The following CACNA1H variants were observed in gnomAD, a reference collection of about 807,000 sequenced individuals.
CACNA1H encodes the protein voltage-dependent T-type calcium channel subunit alpha-1H.
Under a neutral mutation model 192.5 loss-of-function variants are expected in CACNA1H, and 149 were observed. That is an observed-to-expected ratio of 0.77 (90% CI 0.68 to 0.89). CACNA1H has a LOEUF of 0.89. Among genes scored for constraint, CACNA1H ranks in the 40% least tolerant of loss-of-function variants. The probability of loss-of-function intolerance (pLI) is 0.00; values close to 1 mark genes in which losing one functional copy is unlikely to be tolerated. For synonymous variants in CACNA1H, 2,202 were observed against 1,475.2 expected, an observed-to-expected ratio of 1.49 and a Z score of -11.29; for missense variants, 4,257 against 3,423.5, an observed-to-expected ratio of 1.24 and a Z score of -6.08.
chr16:1,209,548 G>A, intron 17 of CACNA1H, 136 bp downstream of exon 17: 2 of 1,075,398 alleles, frequency 1.9e-6, no homozygotes, highest in Non-Finnish European at 2.7e-6. Context: ...AGCAGGCCAG[G>A]CCAGGGAGGA....
chr16:1,218,997 C>T lies in CACNA1H; in HGVS notation c.5915C>T (p.Pro1972Leu). ...LGSVASVHSP[P>L]AESCASLQIP... ...TCCGTTGCCTCTGTGCACTCTCCGC[C>T]CGCAGAGTCCTGTGCCTCCCTCCAG... The change falls in exon 34 of 35, where the codon CCC (proline) becomes CTC (leucine). Residue 1972 changes from proline (P) to leucine (L), a missense_variant. Physicochemically the swap from Pro to Leu is moderately conservative, Grantham distance 98. Transcript: ENST00000348261. 6.5e-7 allele frequency: 1 copy of T among 1,550,292 alleles called. No individual in the cohort carries two copies. The highest frequency in any genetic ancestry group is 8.7e-7 in the Non-Finnish European group (1 of 1,146,900).
intron 2 of CACNA1H, among the ~76,000 whole-genome samples, chr16:1,182,109 C>T (rs1965538429): frequency 6.6e-6 from 1 of 152,174 alleles, no homozygotes; most frequent in South Asian, 2.1e-4. Context: ...GGTGTTTCCC[C>T]GGGCTGTGGC....
rs763465373 is a variant in CACNA1H, at chr16:1,210,134, C to T, written c.3844C>T (p.Arg1282Trp). 31 of 1,554,330 alleles carry T rather than the reference C, an allele frequency of 2.0e-5. No homozygotes were observed. Among genetic ancestry groups the T allele is most frequent in the East Asian group, 4.9e-5 (2 of 41,144 alleles). Residue 1282 changes from arginine to tryptophan, a missense_variant and splice_region_variant, in exon 18 of 35, where the codon CGG (arginine) becomes TGG (tryptophan). Transcript: ENST00000348261. The stretch of plus-strand genomic sequence containing the variant: ...CCTCTACCTCTTCTCCCCACAGAAC[C>T]GGTGAGGCGGCCGGGTCAGGAGGCT... ...WALYLFSPQN[R>W]FRVSCQKVIT... is the part of the protein sequence containing the mutation.
At chr16:1,178,371 A>C (rs1240399912) in intron 2 of CACNA1H, among the ~76,000 whole-genome samples, 1 of 143,332 alleles carries the variant, frequency 7.0e-6, no homozygotes, top group Non-Finnish European at 1.5e-5. Context: ...TCAGAGTCCT[A>C]ACCCACCCCC....
intron 2 of CACNA1H, among the ~76,000 whole-genome samples, chr16:1,191,757 C>A (rs1419215834): frequency 1.3e-5 from 1 of 79,662 alleles, no homozygotes; most frequent in East Asian, 2.9e-4. Context: ...CAGGCACACT[C>A]GGGGTCTCTG....
At chr16:1,210,532 C>T (rs1451470482) in intron 19 of CACNA1H, 39 bp downstream of exon 19, 2 of 1,610,826 alleles carry the variant, frequency 1.2e-6, no homozygotes, top group Non-Finnish European at 8.5e-7. Flanking sequence ...CCACCACGAC[C>T]CCCAGGGAGG....
chr16:1,208,084 C>G lies in CACNA1H; in HGVS notation c.3226C>G (p.Leu1076Val). ...GGGACGAGGCAGCCTGTCCCCTCCCCTCATCATGTGCACAGCTGCCACGCC... is the reference window on the plus strand; with the variant it reads ...GGGACGAGGCAGCCTGTCCCCTCCCGTCATCATGTGCACAGCTGCCACGCC... ...LEGRGSLSPP[L>V]IMCTAATPMP... Residue 1076 changes from leucine (L) to valine (V), a missense_variant, in exon 16 of 35, where the codon CTC (leucine) becomes GTC (valine). Leu to Val is a conservative substitution (Grantham distance 32). Transcript: ENST00000348261. The G allele has an allele frequency of 6.2e-7, 1 of 1,601,062 alleles. No individual in the cohort carries two copies. Among genetic ancestry groups the G allele is most frequent in the Non-Finnish European group, 8.5e-7 (1 of 1,175,092 alleles).
Position 1,167,652 on chromosome 16 carries a change from C to T in CACNA1H, c.299+13616C>T, listed in dbSNP as rs567602600. 3.9e-5 allele frequency among the ~76,000 whole-genome samples: 6 copies of T among 152,192 alleles called. No homozygotes were observed. The highest frequency in any genetic ancestry group is 1.9e-4 in the East Asian group (1 of 5,192). ...CCCAGCTGCTCCTGGTTGACCGGCC[C>T]GGCCTGTGTTACATAAAGCGGTTTG... On this transcript the variant is annotated intron_variant, in intron 2 of 34. Transcript: ENST00000348261. The surrounding 1 kb of genome is among the most constrained non-coding windows in gnomAD (Gnocchi z 4.2).
At chr16:1,195,696 C>A (rs1966884459) in intron 4 of CACNA1H, 131 bp downstream of exon 4, 1 of 1,147,832 alleles carries the variant, frequency 8.7e-7, no homozygotes, top group Non-Finnish European at 1.2e-6. Context: ...GCCAGGGACC[C>A]TGTCTGGGAC....
At chr16:1,199,371 C>T (rs1211166027) in intron 6 of CACNA1H, among the ~76,000 whole-genome samples, 26 of 20,208 alleles carry the variant, frequency 1.3e-3, no homozygotes, top group Non-Finnish European at 1.9e-3. Flanking sequence ...GCCCCACCCC[C>T]ATCATGGCTC....
In CACNA1H at chr16:1,160,250, G is replaced by A. The variant is rs575085303; in HGVS notation, c.299+6214G>A. ...CAGTGGGCATTCCCCTCCCTGGCAC[G>A]GAAGAGGAGTCTCTCCTCAGTGGCT... On this transcript the variant is annotated intron_variant, in intron 2 of 34. Transcript: ENST00000348261. The A allele has an allele frequency of 3.3e-5, 5 of 152,268 alleles. 1 individual carries two copies. Among genetic ancestry groups the A allele is most frequent in the Non-Finnish European group, 5.9e-5 (4 of 68,050 alleles). The allele number at this position is 152,268 out of a possible 1,614,324, so 9.4% of individuals were successfully genotyped here.
In CACNA1H at chr16:1,220,846, C is replaced by T. The variant is rs755726905; in HGVS notation, c.6914C>T (p.Pro2305Leu). Residue 2305 changes from proline to leucine, a missense_variant, in exon 35 of 35, where the codon CCC (proline) becomes CTC (leucine). Pro to Leu is a moderately conservative substitution (Grantham distance 98, BLOSUM62 -3). Coordinates refer to ENST00000348261, the MANE Select transcript of CACNA1H (RefSeq NM_021098.3). ...SSSGAIVPLE[P>L]PESEPPMPVG... Reference sequence around the variant, plus strand: ...TCAGGGGCCATAGTGCCCCTGGAACCCCCAGAATCAGAGCCTCCCATGCCC... The same window carrying T: ...TCAGGGGCCATAGTGCCCCTGGAACTCCCAGAATCAGAGCCTCCCATGCCC... 3.1e-6 allele frequency: 5 copies of T among 1,612,812 alleles called. No individual in the cohort carries two copies. The highest frequency in any genetic ancestry group is 1.7e-5 in the Admixed American group (1 of 60,026).
At chr16:1,200,596 G>A in intron 7 of CACNA1H, 25 bp downstream of exon 7, 5 of 1,609,842 alleles carry the variant, frequency 3.1e-6, no homozygotes, top group Non-Finnish European at 4.2e-6. Context: ...GGTGGGACGG[G>A]GACCCTGGGG....
chr16:1,171,572 G>A (rs1036652091), intron 2 of CACNA1H, among the ~76,000 whole-genome samples: 1 of 152,190 alleles, frequency 6.6e-6, no homozygotes. Flanking sequence ...CTTGGCTGCC[G>A]CAGAAAACCA....
chr16:1,194,759 G>A (rs139015581), intron 2 of CACNA1H, among the ~76,000 whole-genome samples: 9 of 152,290 alleles, frequency 5.9e-5, no homozygotes, highest in Non-Finnish European at 1.3e-4. Flanking sequence ...GGACCCTCAC[G>A]GAGCAGAGCC....
At chr16:1,216,466 G>A (rs892205241) in intron 30 of CACNA1H, among the ~76,000 whole-genome samples, 1 of 152,242 alleles carries the variant, frequency 6.6e-6, no homozygotes, top group Non-Finnish European at 1.5e-5. Flanking sequence ...CGTGGCAGGG[G>A]AGGGGTGAGG....
At chr16:1,157,633 C>T (rs1596284055) in intron 2 of CACNA1H, 2 of 152,288 alleles carry the variant, frequency 1.3e-5, no homozygotes, top group African/African-American at 4.8e-5. Context: ...CGGGGCTGGT[C>T]GTCCCCTACT....
At chr16:1,179,557 T>C (rs1173555229) in intron 2 of CACNA1H, among the ~76,000 whole-genome samples, 1 of 152,002 alleles carries the variant, frequency 6.6e-6, no homozygotes, top group African/African-American at 2.4e-5. Flanking sequence ...GCCTCCTGAA[T>C]AGCTGGGATT....
rs1490888804 is a variant in CACNA1H at position 1,220,395 on chromosome 16, C to T, written c.6463C>T (p.Arg2155Trp). Residue 2155 changes from arginine to tryptophan, a missense_variant, in exon 35 of 35, where the codon CGG (arginine) becomes TGG (tryptophan). By Grantham distance (101) the Arg-to-Trp change is moderately radical. Transcript: ENST00000348261. ...GCCGGGCCGGGCAGACGAGCAGTGG[C>T]GGCCCTCGGCGGAGCTGGGCAGCGG... ...DKPGRADEQW[R>W]PSAELGSGEP... The T allele has an allele frequency of 7.2e-6, 11 of 1,520,072 alleles. No individual in the cohort carries two copies. Among genetic ancestry groups the T allele is most frequent in the Admixed American group, 4.5e-5 (2 of 44,744 alleles). 94.2% of individuals were successfully genotyped at this position (1,520,072 alleles called of 1,614,324 possible).
Sources: allele counts gnomAD v4.1 joint callset (sites outside exome capture counted in the v4.1 genomes callset), GRCh38; gene constraint gnomAD v4.1.1; non-coding constraint Gnocchi (gnomAD v3.1); transcripts MANE v1.5; gene names NCBI Gene and HGNC (gene_info 2026-07-23, HGNC 2026-07-21).